The following ATP8A2 variants were observed in gnomAD, a reference collection of about 807,000 sequenced individuals.
ATP8A2 encodes the protein ATPase phospholipid transporting 8A2, also known as phospholipid-transporting ATPase IB.
A neutral mutation model predicts 165.6 loss-of-function variants in ATP8A2; 100 were observed. The ratio of observed to expected loss-of-function variants is 0.60; its 90% CI spans 0.51 to 0.71. ATP8A2 has a LOEUF of 0.71. Among genes scored for constraint, ATP8A2 ranks in the 30% least tolerant of loss-of-function variants. The pLI is 0.00. For missense variants in ATP8A2, 1,227 were observed against 1,479.5 expected (o/e 0.83, Z 2.80); for synonymous variants, 543 against 548.8 (o/e 0.99, Z 0.15).
At chr13:25,697,806 C>T (rs2042865669) in intron 24 of ATP8A2, among the ~76,000 whole-genome samples, 2 of 152,172 alleles carry the variant, frequency 1.3e-5, no homozygotes, top group African/African-American at 4.8e-5. Context: ...AAGTAGAGAG[C>T]TTGGACTAGA....
intron 34 of ATP8A2, among the ~76,000 whole-genome samples, chr13:25,965,352 C>T (rs1416374708): frequency 2.0e-5 from 3 of 152,160 alleles, no homozygotes; most frequent in African/African-American, 7.2e-5. Context: ...GTAATTCAAT[C>T]ACTTTTTCCA....
chr13:25,605,570 G>T (rs1459922016), intron 24 of ATP8A2, among the ~76,000 whole-genome samples: 1 of 152,076 alleles, frequency 6.6e-6, no homozygotes, highest in African/African-American at 2.4e-5. Context: ...ATAACCTTGT[G>T]TGTATGTAGT....
chr13:25,739,380 A>G (rs186387332), intron 25 of ATP8A2, among the ~76,000 whole-genome samples: 4 of 152,382 alleles, frequency 2.6e-5, no homozygotes, highest in Admixed American at 2.6e-4. Context: ...TATGCAGAAT[A>G]GAAACAGTGT....
intron 25 of ATP8A2, among the ~76,000 whole-genome samples, chr13:25,724,039 G>A (rs1222594347): frequency 6.6e-6 from 1 of 152,162 alleles, no homozygotes. Flanking sequence ...ATGAAAATGG[G>A]GCCCTCAGTC....
intron 2 of ATP8A2, among the ~76,000 whole-genome samples, chr13:25,524,576 A>T (rs1451615221): frequency 6.6e-6 from 1 of 152,030 alleles, no homozygotes; most frequent in African/African-American, 2.4e-5. Context: ...AATTGCCTTT[A>T]TCATTATAAA....
intron 1 of ATP8A2, among the ~76,000 whole-genome samples, chr13:25,457,140 C>G (rs1249564140): frequency 6.6e-6 from 1 of 152,162 alleles, no homozygotes; most frequent in Non-Finnish European, 1.5e-5. Flanking sequence ...TGGGACTTGG[C>G]CTTTCCTGGC....
At chr13:25,948,613 G>T (rs1955270862) in intron 33 of ATP8A2, among the ~76,000 whole-genome samples, 1 of 152,160 alleles carries the variant, frequency 6.6e-6, no homozygotes, top group African/African-American at 2.4e-5. Flanking sequence ...GCATCATGGG[G>T]CCTTGAGCAG....
At chr13:25,563,719 T>G (rs1201575232) in intron 15 of ATP8A2, among the ~76,000 whole-genome samples, 2 of 152,194 alleles carry the variant, frequency 1.3e-5, no homozygotes, top group Non-Finnish European at 2.9e-5. Context: ...TAACTATTGT[T>G]CCTTGTAACT....
chr13:25,424,628 C>T (rs2034391877), intron 1 of ATP8A2, among the ~76,000 whole-genome samples: 1 of 152,214 alleles, frequency 6.6e-6, no homozygotes, highest in Non-Finnish European at 1.5e-5. Flanking sequence ...CTCCGCCAAA[C>T]TTCTTTTTGG....
chr13:25,854,980 G>T (rs751128742), intron 30 of ATP8A2, among the ~76,000 whole-genome samples: 1 of 152,180 alleles, frequency 6.6e-6, no homozygotes, highest in South Asian at 2.1e-4. Flanking sequence ...GCCGGGCACG[G>T]TGGCTCATGC....
At chr13:25,919,625 C>T (rs535827541) in intron 33 of ATP8A2, among the ~76,000 whole-genome samples, 2 of 152,270 alleles carry the variant, frequency 1.3e-5, no homozygotes, top group South Asian at 2.1e-4. Flanking sequence ...TTCCCTACTT[C>T]CAGGTCAGCC....
intron 2 of ATP8A2, among the ~76,000 whole-genome samples, chr13:25,477,199 A>T (rs960853717): frequency 6.6e-6 from 1 of 152,210 alleles, no homozygotes; most frequent in Non-Finnish European, 1.5e-5. Flanking sequence ...ACCAAAAAAA[A>T]TCTGTGCCAT....
chr13:25,804,501 A>G (rs763572318), intron 27 of ATP8A2, among the ~76,000 whole-genome samples: 3 of 152,180 alleles, frequency 2.0e-5, no homozygotes, highest in Non-Finnish European at 2.9e-5. Context: ...CTAACAATTA[A>G]ATAGAGAAAA....
chr13:25,718,724 A>T (rs1258721978), intron 25 of ATP8A2, among the ~76,000 whole-genome samples: 1 of 152,218 alleles, frequency 6.6e-6, no homozygotes, highest in Non-Finnish European at 1.5e-5. Context: ...CCCAAATAAG[A>T]AAGATTAAAA....
intron 25 of ATP8A2, among the ~76,000 whole-genome samples, chr13:25,732,147 A>G (rs1241182084): frequency 1.3e-5 from 2 of 152,160 alleles, no homozygotes; most frequent in Non-Finnish European, 1.5e-5. Flanking sequence ...TCCCTGCTTT[A>G]CTACTGTGTT....
chr13:25,654,884 T>G (rs2041892964), intron 24 of ATP8A2, among the ~76,000 whole-genome samples: 1 of 152,162 alleles, frequency 6.6e-6, no homozygotes, highest in Admixed American at 6.5e-5. Context: ...GGTGCTCTCT[T>G]TGGGATATCT....
intron 25 of ATP8A2, among the ~76,000 whole-genome samples, chr13:25,733,758 G>T (rs1047917506): frequency 2.6e-5 from 4 of 152,128 alleles, no homozygotes; most frequent in African/African-American, 9.7e-5. Flanking sequence ...ATGGTCTCAA[G>T]AAGTATCTTG....
chr13:25,975,690 A>G (rs1447173540), intron 35 of ATP8A2, among the ~76,000 whole-genome samples: 3 of 152,188 alleles, frequency 2.0e-5, no homozygotes. Context: ...AGGTCCAATC[A>G]TTATCAAGAT....
chr13:25,536,347 C>T (rs1392320967), intron 6 of ATP8A2, among the ~76,000 whole-genome samples: 1 of 151,706 alleles, frequency 6.6e-6, no homozygotes, highest in Non-Finnish European at 1.5e-5. Context: ...AACTCCTGAC[C>T]TCAAGTGATC....
Sources: gnomAD v4.1 joint callset for allele counts (sites outside exome capture counted in the v4.1 genomes callset) on GRCh38, gnomAD v4.1.1 for gene constraint, MANE v1.5 for transcripts, NCBI Gene and HGNC (gene_info 2026-07-23, HGNC 2026-07-21) for gene names.